Variants in HR observed in about 807,000 individuals in gnomAD.
HR encodes HR lysine demethylase and nuclear receptor corepressor, also known as lysine-specific demethylase hairless.
A neutral mutation model predicts 128.6 loss-of-function variants in HR; 83 were observed. The ratio of observed to expected loss-of-function variants is 0.65; its 90% confidence interval spans 0.54 to 0.77. The LOEUF is 0.77. HR is among the 30% of genes least tolerant of loss of function. The pLI is 0.00. For synonymous variants in HR, 681 were observed against 658.2 expected, an observed-to-expected ratio of 1.03 and a Z score of -0.53; for missense variants, 1,490 against 1,574.6, an observed-to-expected ratio of 0.95 and a Z score of 0.91.
intron 2 of HR, 103 bp from the exon 3 acceptor site, chr8:22,127,932 C>T (rs1471346258): frequency 1.1e-5 from 13 of 1,162,186 alleles, no homozygotes; most frequent in Non-Finnish European, 1.7e-5. Context: ...AATACTGAAG[C>T]CCTCACATTC....
chr8:22,127,041 C>T lies in HR; in HGVS notation c.1401G>A (p.Gln467=). The change falls in exon 3 of 19, where the codon CAG becomes CAA. Residue 467 remains glutamine, a synonymous_variant. Transcript: ENST00000381418. ...KDVDSGQHDE[Q]KGPQDGQASL... is the part of the protein sequence containing the mutation. ...AGCCCCTCCTGGCCCCCTTACCTTT[C>T]TGCTCATCATGCTGTCCCGAGTCCA... 6.2e-7 allele frequency: 1 copy of T among 1,611,964 alleles called. No individual in the cohort carries two copies. Among genetic ancestry groups the T allele is most frequent in the Non-Finnish European group, 8.5e-7 (1 of 1,179,600 alleles).
chr8:22,115,924 A>G (rs1447255119), intron 18 of HR, among the ~76,000 whole-genome samples, 162 bp from the exon 19 acceptor site: 1 of 152,088 alleles, frequency 6.6e-6, no homozygotes, highest in Non-Finnish European at 1.5e-5. Context: ...TGAGGTCAGG[A>G]GTTCAAGACC....
At chr8:22,126,999 T>A (rs1826908000) in intron 3 of HR, 38 bp downstream of exon 3, 1,881 of 1,104,204 alleles carry the variant, frequency 1.7e-3, no homozygotes, top group Middle Eastern at 2.5e-3. Flanking sequence ...GGCTGCCCCC[T>A]CCCACGCAGG....
intron 6 of HR, 33 bp downstream of exon 6, chr8:22,123,616 A>AGGGGGGGGGCCCCCCCCCCC: frequency 1.8e-6 from 1 of 562,348 alleles, no homozygotes; most frequent in Non-Finnish European, 3.0e-6. Context: ...TGAGGGCTCC[A>AGGGGGGGGGCCCCCCCCCCC]TCCCGCCCTC....
In HR at chr8:22,130,571, G is replaced by GC. The variant is rs1421379846; in HGVS notation, c.-185dup. 6.6e-6 allele frequency: 1 copy of GC among 152,296 alleles called. No individual in the cohort carries two copies. Among genetic ancestry groups the GC allele is most frequent in the Non-Finnish European group, 1.5e-5 (1 of 68,114 alleles). 9.4% of individuals were successfully genotyped at this position (152,296 alleles called of 1,614,324 possible). On this transcript the variant is annotated 5_prime_UTR_variant, in exon 1 of 19. Coordinates refer to ENST00000381418, the MANE Select transcript of HR (RefSeq NM_005144.5). The stretch of plus-strand genomic sequence containing the variant: ...CCCGCTCTGTCTGCTCAGCGCGCTC[G>GC]CGCTCTCCTTCCCCCGGGGCGGCGG...
In HR at chr8:22,116,156, TA is replaced by T. The variant is rs1826580001; in HGVS notation, c.3507+143del. The T allele has an allele frequency of 2.0e-5, 23 of 1,161,782 alleles. No homozygotes were observed. Among genetic ancestry groups the T allele is most frequent in the Middle Eastern group, 2.9e-4 (1 of 3,464 alleles). 72.0% of individuals were successfully genotyped at this position (1,161,782 alleles called of 1,614,324 possible). ...TCTCAAAAAACAAAATGAAACAAAC[TA>T]AACAAAAGGAATACTCTGCCCCTGC... On this transcript the variant is annotated intron_variant, in intron 18 of 18. Transcript: ENST00000381418. This position sits in a 1 kb window ranked among gnomAD's most constrained non-coding sequence, Gnocchi z 4.2.
Position 22,119,859 on chromosome 8 carries a change from G to T in HR, c.2878C>A (p.Pro960Thr). The T allele has an allele frequency of 6.2e-7, 1 of 1,613,794 alleles. No individual in the cohort carries two copies. Residue 960 changes from proline to threonine, a missense_variant, in exon 14 of 19, where the codon CCG (proline) becomes ACG (threonine). Transcript: ENST00000381418. Reference protein sequence around the residue: ...VENLAASLPLPEYCALHGKLN... With the variant: ...VENLAASLPLTEYCALHGKLN... ...TTTCCATGGAGGGCGCAGTACTCCG[G>T]AAGTGGCAGACTGGCAGCTAGGTTC...
At chr8:22,129,821 G>C (rs1257086673) in intron 1 of HR, among the ~76,000 whole-genome samples, 1 of 152,128 alleles carries the variant, frequency 6.6e-6, no homozygotes, top group Non-Finnish European at 1.5e-5. Context: ...CTCTACACCT[G>C]GGCGGCCCTG....
Position 22,120,930 on chromosome 8 carries a change from C to T in HR, c.2396G>A (p.Ser799Asn). The change falls in exon 11 of 19, where the codon AGC becomes AAC. Residue 799 changes from serine (S) to asparagine (N), a missense_variant. Transcript: ENST00000381418. ...SDDRITNILD[S>N]IIAQVVERKI... ...CCGTTCCACCACCTGTGCGATAATGCTGTCCAGGATGTTGGTGATGCGGTC... is the reference window on the plus strand; with the variant it reads ...CCGTTCCACCACCTGTGCGATAATGTTGTCCAGGATGTTGGTGATGCGGTC... 1 of 1,578,320 alleles carries T rather than the reference C, an allele frequency of 6.3e-7. No homozygotes were observed.
chr8:22,123,617 T>TGGGGGGCCCCCCCCCC, intron 6 of HR, 32 bp downstream of exon 6: 3 of 292,090 alleles, frequency 1.0e-5, no homozygotes, highest in Admixed American at 5.0e-5. Context: ...GAGGGCTCCA[T>TGGGGGGCCCCCCCCCC]CCCGCCCTCC....
At chr8:22,118,291 C>T (rs1244174563) in intron 16 of HR, 1 of 154,374 alleles carries the variant, frequency 6.5e-6, no homozygotes, top group Non-Finnish European at 1.4e-5. Context: ...CCTGGACTCT[C>T]TCCTCCCCTG....
intron 1 of HR, among the ~76,000 whole-genome samples, chr8:22,129,942 G>C (rs888863993): frequency 1.3e-5 from 2 of 152,222 alleles, no homozygotes; most frequent in African/African-American, 2.4e-5. Context: ...AGAGCGCGCC[G>C]GCACAGGGGA....
chr8:22,120,528 G>C (rs1017047365), intron 11 of HR, 21 bp from the exon 12 acceptor site: 1 of 1,613,084 alleles, frequency 6.2e-7, no homozygotes, highest in Admixed American at 1.7e-5. Context: ...AAAGGAAGGA[G>C]GCCATGAGGA....
At chr8:22,119,387 T>C in intron 14 of HR, 104 bp from the exon 15 acceptor site, 2 of 1,501,390 alleles carry the variant, frequency 1.3e-6, no homozygotes, top group South Asian at 2.3e-5. Flanking sequence ...GGCGGGCAGA[T>C]CACCTGAGGT....
At position 22,120,952 on chromosome 8, in the gene HR, G is replaced by T. The variant is rs772672266; in HGVS notation, c.2374C>A (p.Arg792Ser). 6.3e-7 allele frequency: 1 copy of T among 1,593,870 alleles called. No homozygotes were observed. The highest frequency in any genetic ancestry group is 2.3e-5 in the East Asian group (1 of 44,012). Residue 792 changes from arginine to serine, a missense_variant, in exon 11 of 19, where the codon CGC becomes AGC. This residue lies in a region of HR where 1,060 missense variants were observed against 1,060.9 expected (regional missense o/e 1.00). Coordinates refer to ENST00000381418, the MANE Select transcript of HR (RefSeq NM_005144.5). ...ATGCTGTCCAGGATGTTGGTGATGC[G>T]GTCATCCTGCAGAGAGGGGCACAGG... ...PVTPALPSDD[R>S]ITNILDSIIA...
intron 14 of HR, 97 bp from the exon 15 acceptor site, chr8:22,119,380 G>A (rs1384456583): frequency 7.8e-6 from 12 of 1,544,794 alleles, no homozygotes; most frequent in Admixed American, 3.7e-5. Context: ...AGGCCCAGGC[G>A]GGCAGATCAC....
chr8:22,120,056 G>T, intron 13 of HR, 48 bp downstream of exon 13: 3 of 1,565,812 alleles, frequency 1.9e-6, no homozygotes, highest in South Asian at 2.3e-5. Flanking sequence ...AACCAGGCGG[G>T]GCCTGCGGTG....
Position 22,116,879 on chromosome 8 carries a change from TG to T in HR, c.3373del (p.His1125ThrfsTer7). 6.4e-7 allele frequency: 1 copy of T among 1,570,934 alleles called. No homozygotes were observed. On this transcript the variant is annotated frameshift_variant, in exon 17 of 19. Coordinates refer to ENST00000381418, the MANE Select transcript of HR (RefSeq NM_005144.5). LOFTEE classifies it high-confidence loss of function. The surrounding 1 kb of genome is among the most constrained non-coding windows in gnomAD (Gnocchi z 4.2). ...EAVLVPAGAP[H>X]QVQGLVSTVS... Reference sequence around the variant, plus strand: ...CCCCTGCCCGCTGGGAAGCACCTGGTGGGGAGCCCCTGCAGGCACCAGCACG... The same window carrying T: ...CCCCTGCCCGCTGGGAAGCACCTGGTGGGAGCCCCTGCAGGCACCAGCACG...
intron 16 of HR, chr8:22,117,310 G>T (rs956864935): frequency 8.9e-6 from 4 of 451,536 alleles, no homozygotes; most frequent in Non-Finnish European, 1.2e-5. Flanking sequence ...GGGGCTGGAG[G>T]CCTTTAACAG....
Sources: allele counts gnomAD v4.1 joint callset (sites outside exome capture counted in the v4.1 genomes callset), GRCh38; gene constraint gnomAD v4.1.1; regional missense constraint gnomAD v4.1.1; non-coding constraint Gnocchi (gnomAD v3.1); transcripts MANE v1.5; gene names NCBI Gene and HGNC (gene_info 2026-07-23, HGNC 2026-07-21).